Variants in DPYD observed in about 807,000 individuals in gnomAD.
DPYD encodes the protein dihydropyrimidine dehydrogenase [NADP(+)].
A neutral mutation model predicts 116.2 loss-of-function variants in DPYD; 109 were observed. That is an observed-to-expected ratio of 0.94 (90% CI 0.80 to 1.10). The LOEUF is 1.10. Among genes scored for constraint, DPYD ranks in the 50% least tolerant of loss-of-function variants. The pLI, the probability that DPYD is intolerant of heterozygous loss-of-function variation, is 0.00. For synonymous variants in DPYD, 440 were observed against 432.0 expected (o/e 1.02, Z -0.23); for missense variants, 1,302 against 1,254.5 (o/e 1.04, Z -0.57).
At chr1:97,748,436 A>G (rs990024219) in intron 3 of DPYD, among the ~76,000 whole-genome samples, 1 of 152,016 alleles carries the variant, frequency 6.6e-6, no homozygotes, top group Non-Finnish European at 1.5e-5. Flanking sequence ...GTGAAACCCC[A>G]TCTCTACTAA....
At chr1:97,837,425 C>A (rs1362219657) in intron 2 of DPYD, among the ~76,000 whole-genome samples, 1 of 152,080 alleles carries the variant, frequency 6.6e-6, no homozygotes, top group Non-Finnish European at 1.5e-5. Flanking sequence ...TTAAAATTAG[C>A]TAAAATTCTG....
intron 20 of DPYD, among the ~76,000 whole-genome samples, chr1:97,138,159 T>C (rs1653947924): frequency 6.6e-6 from 1 of 152,156 alleles, no homozygotes; most frequent in African/African-American, 2.4e-5. Context: ...TAATGGTAGA[T>C]GCTGGATGCA....
intron 13 of DPYD, among the ~76,000 whole-genome samples, chr1:97,508,115 C>T (rs1188823327): frequency 6.6e-6 from 1 of 151,964 alleles, no homozygotes; most frequent in Non-Finnish European, 1.5e-5. Flanking sequence ...ACAGAGCTTA[C>T]TTCAAGTGGC....
rs1480462362 is a variant in DPYD, at chr1:97,515,944, G to A, written c.1525-3C>T. 6.2e-7 allele frequency: 1 copy of A among 1,611,310 alleles called. No homozygotes were observed. Among genetic ancestry groups the A allele is most frequent in the Non-Finnish European group, 8.5e-7 (1 of 1,178,168 alleles). On this transcript the variant is annotated splice_polypyrimidine_tract_variant and splice_region_variant and intron_variant, in intron 12 of 22. Coordinates refer to ENST00000370192, the MANE Select transcript of DPYD (RefSeq NM_000110.4). ...GAAACGGAAGCTCCATATTGTGACT[G>A]CAAAATACAAACCAATACTTGGTTT...
intron 20 of DPYD, among the ~76,000 whole-genome samples, chr1:97,163,110 C>G (rs1201062386): frequency 6.6e-6 from 1 of 151,572 alleles, no homozygotes; most frequent in Non-Finnish European, 1.5e-5. Context: ...GCAATGGCAA[C>G]AAAAGCCAAA....
chr1:97,143,465 GTC>G (rs1654378965), intron 20 of DPYD, among the ~76,000 whole-genome samples: 1 of 152,088 alleles, frequency 6.6e-6, no homozygotes, highest in South Asian at 2.1e-4. Flanking sequence ...GAAACCACTT[GTC>G]CACAGGTGGA....
chr1:97,507,284 C>G (rs1362936511), intron 13 of DPYD, among the ~76,000 whole-genome samples: 1 of 151,874 alleles, frequency 6.6e-6, no homozygotes, highest in Non-Finnish European at 1.5e-5. Flanking sequence ...TTAAAAGTCT[C>G]CCAGATAAAA....
intron 20 of DPYD, among the ~76,000 whole-genome samples, chr1:97,116,430 CG>C (rs1651970508): frequency 6.6e-6 from 1 of 152,036 alleles, no homozygotes; most frequent in Non-Finnish European, 1.5e-5. Context: ...CCCAGAACTT[CG>C]GGGGGCCAAG....
At chr1:97,530,373 A>G (rs12138657) in intron 12 of DPYD, among the ~76,000 whole-genome samples, 38,473 of 151,348 alleles carry the variant, frequency 0.25, 5,104 homozygotes, top group Middle Eastern at 0.32. Context: ...GCCCACCACC[A>G]CGCCAGGCTA....
At chr1:97,182,621 G>A (rs914022363) in intron 20 of DPYD, among the ~76,000 whole-genome samples, 3 of 152,022 alleles carry the variant, frequency 2.0e-5, no homozygotes, top group Non-Finnish European at 2.9e-5. Context: ...TAACTGTGGG[G>A]ACAAAGCTGT....
rs190971461 is a variant in DPYD at position 97,507,941 on chromosome 1, C to T, written c.1740+7785G>A. On this transcript the variant is annotated intron_variant, in intron 13 of 22. Coordinates refer to ENST00000370192, the MANE Select transcript of DPYD (RefSeq NM_000110.4). ...CTTATGGATAGGACATGAGAGCTGT[C>T]TCCAAGTAACTGAAGAGCTGTCATG... Among the ~76,000 whole-genome samples the T allele has an allele frequency of 1.6e-4, 25 of 152,082 alleles. No individual in the cohort carries two copies. In the East Asian group the frequency reaches 4.7e-3, roughly 28 times the overall value.
chr1:97,541,294 T>C (rs1413273524), intron 12 of DPYD, among the ~76,000 whole-genome samples: 3 of 152,192 alleles, frequency 2.0e-5, no homozygotes, highest in Non-Finnish European at 2.9e-5. Flanking sequence ...AGAAAGAAGG[T>C]TGATTCTATG....
chr1:97,622,503 C>T (rs1467226560), intron 8 of DPYD, among the ~76,000 whole-genome samples: 1 of 151,932 alleles, frequency 6.6e-6, no homozygotes, highest in Non-Finnish European at 1.5e-5. Flanking sequence ...CTAAATATAA[C>T]TTGGGATCTT....
intron 13 of DPYD, among the ~76,000 whole-genome samples, chr1:97,462,932 C>A (rs1677105746): frequency 6.6e-6 from 1 of 152,098 alleles, no homozygotes; most frequent in African/African-American, 2.4e-5. Context: ...TAATAAGAAT[C>A]TTGGTCTCCA....
chr1:97,421,528 GT>G (rs58599683), intron 14 of DPYD, among the ~76,000 whole-genome samples: 5,289 of 152,236 alleles, frequency 0.035, 324 homozygotes, highest in African/African-American at 0.12. Flanking sequence ...TTTTTGGTCA[GT>G]TTTTATTTAT....
At chr1:97,192,047 A>C (rs1412503669) in intron 20 of DPYD, among the ~76,000 whole-genome samples, 2 of 151,876 alleles carry the variant, frequency 1.3e-5, no homozygotes, top group African/African-American at 4.8e-5. Context: ...GTAAGATTTT[A>C]TTTCTTTCCT....
At chr1:97,723,799 G>C (rs1663058254) in intron 4 of DPYD, among the ~76,000 whole-genome samples, 2 of 151,470 alleles carry the variant, frequency 1.3e-5, no homozygotes, top group African/African-American at 2.4e-5. Flanking sequence ...ACACAGAGAA[G>C]AAAAATGTGT....
chr1:97,099,356 T>C (rs1472662432), intron 20 of DPYD, among the ~76,000 whole-genome samples: 1 of 152,090 alleles, frequency 6.6e-6, no homozygotes, highest in Non-Finnish European at 1.5e-5. Context: ...AATTTCAAGG[T>C]TATCCAATTG....
chr1:97,577,149 A>G (rs542684948), intron 10 of DPYD, among the ~76,000 whole-genome samples: 29 of 152,306 alleles, frequency 1.9e-4, no homozygotes, highest in Non-Finnish European at 2.9e-4. Context: ...TCTATTTTAA[A>G]TATAAGCTGG....
Sources: allele counts gnomAD v4.1 joint callset (sites outside exome capture counted in the v4.1 genomes callset), GRCh38; gene constraint gnomAD v4.1.1; transcripts MANE v1.5; gene names NCBI Gene and HGNC (gene_info 2026-07-23, HGNC 2026-07-21).